Variants in HEPHL1 observed in about 807,000 individuals in gnomAD.
The protein encoded by HEPHL1 is hephaestin like 1.
A neutral mutation model predicts 122.0 loss-of-function variants in HEPHL1; 123 were observed. The ratio of observed to expected loss-of-function variants is 1.01; its 90% CI spans 0.87 to 1.17. HEPHL1 has a LOEUF of 1.17. Ranked by LOEUF, HEPHL1 falls within the 50% of genes most tolerant of loss-of-function variation. The probability of loss-of-function intolerance (pLI) is 0.00; values close to 1 mark genes in which losing one functional copy is unlikely to be tolerated. For missense variants in HEPHL1, 1,452 were observed against 1,430.5 expected (o/e 1.01, Z -0.24); for synonymous variants, 527 against 508.9 (o/e 1.04, Z -0.48).
chr11:94,076,060 T>C (rs1591479343), intron 9 of HEPHL1, among the ~76,000 whole-genome samples: 2 of 152,316 alleles, frequency 1.3e-5, no homozygotes, highest in East Asian at 3.9e-4. Context: ...AGGACATTTA[T>C]TTAAATGGTA....
intron 6 of HEPHL1, among the ~76,000 whole-genome samples, chr11:94,070,924 C>G (rs1441072241): frequency 6.6e-6 from 1 of 152,118 alleles, no homozygotes; most frequent in Admixed American, 6.6e-5. Context: ...TGGAGATGAC[C>G]TGGCCTAAGA....
At chr11:94,079,093 A>T (rs1010082179) in intron 9 of HEPHL1, among the ~76,000 whole-genome samples, 1 of 152,222 alleles carries the variant, frequency 6.6e-6, no homozygotes, top group Non-Finnish European at 1.5e-5. Context: ...GGATGATTGC[A>T]GTCTCACCTA....
Position 94,073,331 on chromosome 11 carries a change from G to A in HEPHL1, c.1396G>A (p.Gly466Ser), listed in dbSNP as rs772844212. 1.6e-5 allele frequency: 26 copies of A among 1,608,844 alleles called. No homozygotes were observed. The highest frequency in any genetic ancestry group is 2.2e-5 in the South Asian group (2 of 89,980). Residue 466 changes from glycine to serine, a missense_variant, in exon 8 of 20, where the codon GGT becomes AGT. Transcript: ENST00000315765. ...AGGCCCAGTCATCAAGGCAGAGGTG[G>A]GTGATACCCTGTTAGTGACCTTTGC... ...ILGPVIKAEV[G>S]DTLLVTFANK...
At chr11:94,059,202 C>T (rs1450715608) in intron 2 of HEPHL1, among the ~76,000 whole-genome samples, 1 of 152,028 alleles carries the variant, frequency 6.6e-6, no homozygotes, top group Non-Finnish European at 1.5e-5. Context: ...TTTACTTTGT[C>T]TTGGAGATTT....
Position 94,110,928 on chromosome 11 carries a change from T to C in HEPHL1, c.3071T>C (p.Val1024Ala). The change falls in exon 18 of 20, where the codon GTG (valine) becomes GCG (alanine). Residue 1024 changes from valine to alanine, a missense_variant. Physicochemically the swap from Val to Ala is moderately conservative, Grantham distance 64 (BLOSUM62 0). Transcript: ENST00000315765. ...ATAGATAAATCTTACCGAGAAGATG[T>C]GTATGATCTCTTTCCTGGGACATTC... Reference protein sequence around the residue: ...FKIDKSYREDVYDLFPGTFQT... With the variant: ...FKIDKSYREDAYDLFPGTFQT... 1 of 1,613,004 alleles carries C rather than the reference T, an allele frequency of 6.2e-7. No homozygotes were observed. Among genetic ancestry groups the C allele is most frequent in the Non-Finnish European group, 8.5e-7 (1 of 1,179,464 alleles).
intron 2 of HEPHL1, among the ~76,000 whole-genome samples, chr11:94,057,968 A>C (rs998627502): frequency 6.6e-5 from 10 of 152,126 alleles, no homozygotes; most frequent in African/African-American, 2.4e-4. Flanking sequence ...CCTGTGGGCT[A>C]AATCTGTGGA....
intron 1 of HEPHL1, among the ~76,000 whole-genome samples, chr11:94,027,475 G>T (rs1448880808): frequency 6.6e-6 from 1 of 152,134 alleles, no homozygotes; most frequent in Non-Finnish European, 1.5e-5. Context: ...GACCTTGGCT[G>T]GTCACATTTT....
At position 94,021,420 on chromosome 11, in the gene HEPHL1, C is replaced by G. The variant is rs759094018; in HGVS notation, c.52C>G (p.Leu18Val). Residue 18 changes from leucine to valine, a missense_variant, in exon 1 of 20, where the codon CTG becomes GTG. Physicochemically the swap from Leu to Val is conservative, Grantham distance 32 (BLOSUM62 1). Coordinates refer to ENST00000315765, the MANE Select transcript of HEPHL1 (RefSeq NM_001098672.2). ...CATCTTTCTCCTCACATTCCTGGGT[C>G]TGTCTGGGCTGGTTGGCACAGTTAC... The part of the protein sequence containing the change: ...GCIFLLTFLG[L>V]SGLVGTVTRT... 1.9e-6 allele frequency: 3 copies of G among 1,613,644 alleles called. No individual in the cohort carries two copies. The Admixed American group carries it at 5.0e-5, about 27-fold the overall frequency.
rs186492128 is a variant in HEPHL1 at position 94,089,313 on chromosome 11, T to C, written c.2294+345T>C. Among the ~76,000 whole-genome samples, 675 of 151,986 alleles carry C rather than the reference T, an allele frequency of 4.4e-3. 4 individuals are homozygous for C. The highest frequency in any genetic ancestry group is 7.3e-3 in the Non-Finnish European group (499 of 67,956). On this transcript the variant is annotated intron_variant, in intron 12 of 19. Transcript: ENST00000315765. ...GGCCAGAGAAGGCAGAGAGGGTGTA[T>C]GATGTGGGGTGAGAGGATGGGCTGC...
intron 4 of HEPHL1, among the ~76,000 whole-genome samples, chr11:94,066,283 T>G (rs925137534): frequency 6.6e-6 from 1 of 151,506 alleles, no homozygotes; most frequent in Admixed American, 6.6e-5. Flanking sequence ...GGTGGGGTAT[T>G]GTGGCACACG....
rs1945972675 is a variant in HEPHL1, at chr11:94,060,095, TATATATATATATA to T, written c.416-3412_416-3400del. Among the ~76,000 whole-genome samples, 474 of 135,910 alleles carry T rather than the reference TATATATATATATA, an allele frequency of 3.5e-3. 30 individuals are homozygous for T. Among genetic ancestry groups the T allele is most frequent in the East Asian group, 0.022 (98 of 4,538 alleles). 89.2% of individuals were successfully genotyped at this position (135,910 alleles called of 152,430 possible). ...AATACCACTCAGTCATATTTTATTA[TATATATATATATA>T]TATATATATATATATATATATATAT... On this transcript the variant is annotated intron_variant, in intron 2 of 19. Coordinates refer to ENST00000315765, the MANE Select transcript of HEPHL1 (RefSeq NM_001098672.2).
At chr11:94,081,552 A>G (rs1490344325) in intron 9 of HEPHL1, among the ~76,000 whole-genome samples, 1 of 152,162 alleles carries the variant, frequency 6.6e-6, no homozygotes, top group Non-Finnish European at 1.5e-5. Flanking sequence ...GCTCAAATAG[A>G]CTGATTAGGA....
In HEPHL1 at chr11:94,104,532, C is replaced by A; in HGVS notation, c.2687C>A (p.Thr896Lys). The A allele has an allele frequency of 6.2e-7, 1 of 1,605,114 alleles. No homozygotes were observed. Among genetic ancestry groups the A allele is most frequent in the Non-Finnish European group, 8.5e-7 (1 of 1,172,568 alleles). ...TCAGTTTATTTTTTCTTCCAGGATA[C>A]GTATAGTGGTTTGATGGGTCCTCTG... Reference protein sequence around the residue: ...YYSTVNFVKDTYSGLMGPLIT... With the variant: ...YYSTVNFVKDKYSGLMGPLIT... Residue 896 changes from threonine to lysine, a missense_variant, in exon 16 of 20, where the codon ACG (threonine) becomes AAG (lysine). Transcript: ENST00000315765.
intron 4 of HEPHL1, among the ~76,000 whole-genome samples, chr11:94,065,480 C>A (rs544349581): frequency 6.6e-6 from 1 of 152,284 alleles, no homozygotes; most frequent in African/African-American, 2.4e-5. Flanking sequence ...GATTCCTAGG[C>A]ACATCAAGGC....
rs1235167095 is a variant in HEPHL1 at position 94,073,315 on chromosome 11, C to T, written c.1380C>T (p.Val460=). The change falls in exon 8 of 20, where the codon GTC becomes GTT. Residue 460 remains valine (V), a synonymous_variant. Coordinates refer to ENST00000315765, the MANE Select transcript of HEPHL1 (RefSeq NM_001098672.2). The part of the protein sequence containing the change: ...EEAHLGILGP[V]IKAEVGDTLL... ...TTCTGGATATTTTTTCAGGCCCAGT[C>T]ATCAAGGCAGAGGTGGGTGATACCC... 2 of 1,610,058 alleles carry T rather than the reference C, an allele frequency of 1.2e-6. No individual in the cohort carries two copies. The highest frequency in any genetic ancestry group is 8.5e-7 in the Non-Finnish European group (1 of 1,178,068).
At chr11:94,067,816 T>C (rs1946046782) in intron 5 of HEPHL1, 66 bp downstream of exon 5, 1 of 1,469,492 alleles carries the variant, frequency 6.8e-7, no homozygotes, top group Non-Finnish European at 9.4e-7. Context: ...CAGTCACTAG[T>C]GCTCATCCAG....
At chr11:94,036,302 C>A (rs556867907) in intron 1 of HEPHL1, among the ~76,000 whole-genome samples, 2 of 152,178 alleles carry the variant, frequency 1.3e-5, no homozygotes, top group Admixed American at 1.3e-4. Flanking sequence ...ATAGCTCCAC[C>A]TGCTGATGTC....
intron 1 of HEPHL1, among the ~76,000 whole-genome samples, chr11:94,025,873 A>C (rs1264724622): frequency 1.3e-5 from 2 of 152,024 alleles, no homozygotes; most frequent in Non-Finnish European, 2.9e-5. Flanking sequence ...TCAGCACCAA[A>C]AATATTTTGT....
rs1231761209 is a variant in HEPHL1, at chr11:94,093,873, T to C, written c.2434+233T>C. 2.8e-4 allele frequency among the ~76,000 whole-genome samples: 42 copies of C among 149,614 alleles called. 3 individuals carry two copies. On this transcript the variant is annotated intron_variant, in intron 13 of 19. Coordinates refer to ENST00000315765, the MANE Select transcript of HEPHL1 (RefSeq NM_001098672.2). ...CTACCAGATAATACACAAATAGGAA[T>C]CCATGACATCAGGGCAGTCTAACTG...
Sources: allele counts gnomAD v4.1 joint callset (sites outside exome capture counted in the v4.1 genomes callset), GRCh38; gene constraint gnomAD v4.1.1; transcripts MANE v1.5; gene names NCBI Gene and HGNC (gene_info 2026-07-23, HGNC 2026-07-21).